The following SLC27A1 variants were observed in gnomAD, a reference collection of about 807,000 sequenced individuals.
The protein encoded by SLC27A1 is solute carrier family 27 member 1, also known as long-chain fatty acid transport protein 1.
A neutral mutation model predicts 62.2 loss-of-function variants in SLC27A1; 61 were observed. That is an observed-to-expected ratio of 0.98 (90% confidence interval 0.80 to 1.21). The LOEUF (loss-of-function observed/expected upper bound fraction) is 1.21. Among genes scored for constraint, SLC27A1 ranks in the 50% most tolerant of loss-of-function variants. The pLI is 0.00. For synonymous variants in SLC27A1, 435 were observed against 408.6 expected (o/e 1.06, Z -0.78); for missense variants, 903 against 932.1 (o/e 0.97, Z 0.41).
intron 11 of SLC27A1, among the ~76,000 whole-genome samples, chr19:17,502,344 GTTTTTTTTTTTTT>G (rs1231886797): frequency 6.4e-5 from 1 of 15,716 alleles, no homozygotes; most frequent in East Asian, 8.5e-4. Flanking sequence ...TGTTTTTTTT[GTTTTTTTTTTTTT>G]TTTTTTTTTT....
intron 1 of SLC27A1, among the ~76,000 whole-genome samples, chr19:17,476,180 G>A (rs569580662): frequency 3.1e-4 from 47 of 152,254 alleles, no homozygotes; most frequent in African/African-American, 1.1e-3. Flanking sequence ...CCATCATGGA[G>A]TTCTTGGGGT....
chr19:17,475,857 G>T (rs775921877), intron 1 of SLC27A1, among the ~76,000 whole-genome samples: 1 of 152,218 alleles, frequency 6.6e-6, no homozygotes, highest in Non-Finnish European at 1.5e-5. Flanking sequence ...TCCCCAGGCT[G>T]GGGGTGGCTT....
At chr19:17,494,203 T>C (rs992968659) in intron 6 of SLC27A1, among the ~76,000 whole-genome samples, 2 of 150,840 alleles carry the variant, frequency 1.3e-5, no homozygotes, top group Non-Finnish European at 3.0e-5. Flanking sequence ...TTTGTATTTT[T>C]TAGTACAGAC....
chr19:17,474,552 G>A (rs933090535), intron 1 of SLC27A1, among the ~76,000 whole-genome samples: 7 of 152,022 alleles, frequency 4.6e-5, no homozygotes, highest in African/African-American at 1.5e-4. Flanking sequence ...ATGGCCCCAG[G>A]GATCCCTGTC....
chr19:17,488,614 C>A (rs917875698), intron 4 of SLC27A1: 4 of 587,972 alleles, frequency 6.8e-6, no homozygotes, highest in African/African-American at 5.6e-5. Context: ...GATCCCCCAA[C>A]CCCCCTGGCT....
chr19:17,497,786 T>C (rs1003165635), intron 7 of SLC27A1: 1 of 365,476 alleles, frequency 2.7e-6, no homozygotes, highest in African/African-American at 2.2e-5. Flanking sequence ...GCAAGGAGAA[T>C]AGGGCTCTGT....
In SLC27A1 at chr19:17,504,715, C is replaced by T. The variant is rs1408820855; in HGVS notation, c.*103C>T. 2 of 1,448,392 alleles carry T rather than the reference C, an allele frequency of 1.4e-6. No individual in the cohort carries two copies. Among genetic ancestry groups the T allele is most frequent in the Non-Finnish European group, 1.9e-6 (2 of 1,053,632 alleles). 89.7% of individuals were successfully genotyped at this position (1,448,392 alleles called of 1,614,324 possible). ...GGCCGCCTAGTACACACCCACCTGGCCGAGCTGTACCTGGCACGGCCCATC... is the reference window on the plus strand; with the variant it reads ...GGCCGCCTAGTACACACCCACCTGGTCGAGCTGTACCTGGCACGGCCCATC... On this transcript the variant is annotated 3_prime_UTR_variant, in exon 12 of 12. Transcript: ENST00000252595.
rs1207400990 is a variant in SLC27A1, at chr19:17,505,087, T to C, written c.*475T>C. On this transcript the variant is annotated 3_prime_UTR_variant, in exon 12 of 12. Transcript: ENST00000252595. ...TTTTATATTTTTAGTAGAGACGGGG[T>C]TTCACCATGTTGGTCAGGTTGGTCT... The C allele has an allele frequency of 8.4e-6, 3 of 356,674 alleles. No homozygotes were observed. Among genetic ancestry groups the C allele is most frequent in the South Asian group, 2.2e-5 (1 of 46,382 alleles). The allele number at this position is 356,674 out of a possible 1,614,324, so 22.1% of individuals were successfully genotyped here. A position where few individuals can be genotyped will look rare whatever the true frequency, so the allele number is the denominator to read the frequency against.
rs200708978 is a variant in SLC27A1 at position 17,486,869 on chromosome 19, C to T, written c.474C>T (p.Leu158=). The change falls in exon 2 of 12, where the codon CTC becomes CTT. Residue 158 remains leucine, a synonymous_variant. Coordinates refer to ENST00000252595, the MANE Select transcript of SLC27A1 (RefSeq NM_198580.3). This position sits in a 1 kb window ranked among gnomAD's most constrained non-coding sequence, Gnocchi z 6.6. ...LAKAGMEAAL[L]NVNLRREPLA... ...AGGCGGGCATGGAGGCCGCGCTGCT[C>T]AACGTGAACCTGCGGCGCGAGCCCC... is the stretch of plus-strand genomic sequence containing the variant. 1.0e-4 allele frequency: 158 copies of T among 1,586,538 alleles called. No individual in the cohort carries two copies. The East Asian group carries it at 3.2e-3, about 32-fold the overall frequency.
intron 1 of SLC27A1, among the ~76,000 whole-genome samples, chr19:17,478,175 A>G (rs1055679214): frequency 6.6e-6 from 1 of 152,258 alleles, no homozygotes; most frequent in Admixed American, 6.5e-5. Flanking sequence ...AGCAAAAATC[A>G]CAAAAATGCA....
chr19:17,472,630 G>C (rs895822060), intron 1 of SLC27A1, among the ~76,000 whole-genome samples: 1 of 151,950 alleles, frequency 6.6e-6, no homozygotes, highest in African/African-American at 2.4e-5. Flanking sequence ...AGGTTCAAGT[G>C]ATTCTCCTGC....
In SLC27A1 at chr19:17,470,535, C is replaced by G; in HGVS notation, c.-6C>G. ...CCGCGGCCTCAGCTCTCTCTGCTTC[C>G]CCAGGATGCGGGCTCCGGGTGCGGG... On this transcript the variant is annotated 5_prime_UTR_variant, in exon 1 of 12. Transcript: ENST00000252595. 5 of 1,547,624 alleles carry G rather than the reference C, an allele frequency of 3.2e-6. No individual in the cohort carries two copies. The highest frequency in any genetic ancestry group is 4.3e-6 in the Non-Finnish European group (5 of 1,156,404).
Position 17,488,946 on chromosome 19 carries a change from C to T in SLC27A1, c.886+7C>T, listed in dbSNP as rs757909883. 5.0e-6 allele frequency: 8 copies of T among 1,613,982 alleles called. No individual in the cohort carries two copies. The highest frequency in any genetic ancestry group is 2.2e-5 in the East Asian group (1 of 44,898). ...CCCCTGTACCACTCGGCAGGTACTA[C>T]GGCCTGGGTAGGGAATGGTGGGTGG... On this transcript the variant is annotated splice_region_variant and intron_variant, in intron 5 of 11. Coordinates refer to ENST00000252595, the MANE Select transcript of SLC27A1 (RefSeq NM_198580.3).
intron 1 of SLC27A1, among the ~76,000 whole-genome samples, chr19:17,477,447 T>C (rs897086977): frequency 1.3e-5 from 2 of 151,200 alleles, no homozygotes; most frequent in African/African-American, 4.9e-5. Flanking sequence ...TTTCATCATG[T>C]TGACCAGGGT....
intron 11 of SLC27A1, chr19:17,503,484 C>A (rs923883463): frequency 6.6e-6 from 1 of 151,972 alleles, no homozygotes; most frequent in Non-Finnish European, 1.5e-5. Context: ...TTTTTTGAGA[C>A]AAGATCTTGC....
intron 1 of SLC27A1, among the ~76,000 whole-genome samples, chr19:17,473,719 G>A (rs552128483): frequency 7.9e-5 from 12 of 152,226 alleles, no homozygotes; most frequent in African/African-American, 1.2e-4. Context: ...AAAATTAGCC[G>A]GGCGTGGTGG....
At chr19:17,480,692 T>A (rs1052305562) in intron 1 of SLC27A1, among the ~76,000 whole-genome samples, 1 of 151,916 alleles carries the variant, frequency 6.6e-6, no homozygotes, top group Non-Finnish European at 1.5e-5. Context: ...TTTTTAAAAA[T>A]TTTAATTTTA....
intron 1 of SLC27A1, among the ~76,000 whole-genome samples, chr19:17,471,197 TG>T (rs1283129571): frequency 6.6e-6 from 1 of 151,950 alleles, no homozygotes; most frequent in African/African-American, 2.4e-5. Flanking sequence ...CAAGACACTT[TG>T]GGTCTATCTA....
chr19:17,479,640 CT>C (rs1460716917), intron 1 of SLC27A1, among the ~76,000 whole-genome samples: 2 of 106,414 alleles, frequency 1.9e-5, no homozygotes, highest in Admixed American at 8.2e-5. Flanking sequence ...TTGTTTCTTT[CT>C]CCCTCTCTCT....
Sources: gnomAD v4.1 joint callset for allele counts (sites outside exome capture counted in the v4.1 genomes callset) on GRCh38, gnomAD v4.1.1 for gene constraint, Gnocchi (gnomAD v3.1) non-coding constraint, MANE v1.5 for transcripts, NCBI Gene and HGNC (gene_info 2026-07-23, HGNC 2026-07-21) for gene names.